ACER3: variants seen among roughly 807,000 people sequenced by gnomAD.
ACER3 encodes alkCDase 3.
In ACER3, 16 loss-of-function variants were observed where a neutral mutation model predicts 48.9. The ratio of observed to expected loss-of-function variants is 0.33; its 90% CI spans 0.22 to 0.50. The LOEUF (loss-of-function observed/expected upper bound fraction) is 0.50, where lower values mean the gene tolerates loss of function less well. Among genes scored for constraint, ACER3 ranks in the 20% least tolerant of loss-of-function variants. The pLI, the probability that ACER3 is intolerant of heterozygous loss-of-function variation, is 0.98. For missense variants in ACER3, 227 were observed against 326.0 expected, an observed-to-expected ratio of 0.70 and a Z score of 2.34; for synonymous variants, 109 against 107.8, an observed-to-expected ratio of 1.01 and a Z score of -0.07.
intron 1 of ACER3, among the ~76,000 whole-genome samples, chr11:76,907,975 C>T (rs1285543341): frequency 1.3e-5 from 2 of 152,204 alleles, no homozygotes; most frequent in African/African-American, 2.4e-5. Context: ...GTGGCTGACG[C>T]CTGTAATCCC....
intron 4 of ACER3, among the ~76,000 whole-genome samples, chr11:76,984,112 GC>G (rs1948641888): frequency 6.6e-6 from 1 of 152,014 alleles, no homozygotes; most frequent in African/African-American, 2.4e-5. Context: ...AATCTGTCTT[GC>G]CTTCTGTGTG....
intron 1 of ACER3, among the ~76,000 whole-genome samples, chr11:76,898,538 C>T (rs955768841): frequency 6.6e-6 from 1 of 152,100 alleles, no homozygotes; most frequent in African/African-American, 2.4e-5. Flanking sequence ...TATATTTTAG[C>T]AGTAAGTAAG....
At chr11:76,943,801 A>T (rs190105259) in intron 2 of ACER3, among the ~76,000 whole-genome samples, 1 of 149,896 alleles carries the variant, frequency 6.7e-6, no homozygotes, top group Admixed American at 6.7e-5. Context: ...TTTAGGTCTA[A>T]TAATACTTGT....
At chr11:76,912,814 T>C (rs908018596) in intron 1 of ACER3, among the ~76,000 whole-genome samples, 5 of 152,194 alleles carry the variant, frequency 3.3e-5, no homozygotes, top group African/African-American at 4.8e-5. Context: ...AACTATTGTA[T>C]TGTTAGCGGT....
chr11:76,872,773 C>G (rs771179232), intron 1 of ACER3, among the ~76,000 whole-genome samples: 3 of 152,038 alleles, frequency 2.0e-5, no homozygotes, highest in Admixed American at 6.6e-5. Context: ...AACAATGGGC[C>G]TCAGACTTTA....
chr11:76,914,941 A>G (rs1382325894), intron 1 of ACER3, among the ~76,000 whole-genome samples: 1 of 152,166 alleles, frequency 6.6e-6, no homozygotes, highest in Non-Finnish European at 1.5e-5. Context: ...GCAAACTATC[A>G]CAAAGACAAA....
intron 1 of ACER3, among the ~76,000 whole-genome samples, chr11:76,893,315 A>T (rs188986431): frequency 6.6e-6 from 1 of 152,156 alleles, no homozygotes; most frequent in African/African-American, 2.4e-5. Context: ...GGCTGCAGGG[A>T]GCTATGATCA....
At chr11:76,948,973 C>T (rs1947558524) in intron 2 of ACER3, among the ~76,000 whole-genome samples, 1 of 152,168 alleles carries the variant, frequency 6.6e-6, no homozygotes, top group Non-Finnish European at 1.5e-5. Context: ...ATTTAAGCAG[C>T]TCTCTAAAGT....
intron 1 of ACER3, among the ~76,000 whole-genome samples, chr11:76,875,111 T>TTTTTC: frequency 1.0e-5 from 1 of 99,392 alleles, no homozygotes; most frequent in Non-Finnish European, 1.8e-5. Flanking sequence ...GCACTTCTTT[T>TTTTTC]TTTTTTTTTT....
intron 1 of ACER3, among the ~76,000 whole-genome samples, chr11:76,865,287 G>C (rs1232688206): frequency 6.6e-6 from 1 of 151,148 alleles, no homozygotes; most frequent in Non-Finnish European, 1.5e-5. Context: ...GCCCAGCCGG[G>C]ATGAGTACTA....
intron 2 of ACER3, among the ~76,000 whole-genome samples, chr11:76,952,241 T>C (rs796837603): frequency 1.8e-4 from 27 of 151,228 alleles, no homozygotes; most frequent in African/African-American, 6.3e-4. Context: ...ATCCAAGAAT[T>C]CACTATACTA....
rs1054508610 is a variant in ACER3 at position 76,971,512 on chromosome 11, C to T, written c.268-4777C>T. 2.0e-5 allele frequency among the ~76,000 whole-genome samples: 3 copies of T among 151,064 alleles called. No individual in the cohort carries two copies. The South Asian group carries it at 6.3e-4, about 32-fold the overall frequency. On this transcript the variant is annotated intron_variant, in intron 3 of 10. Transcript: ENST00000532485. Reference sequence around the variant, plus strand: ...CCAAGATCGCGCCACTGCACTCCTCCTGGTGACAGAGTGAGACTCCATCTC... The same window carrying T: ...CCAAGATCGCGCCACTGCACTCCTCTTGGTGACAGAGTGAGACTCCATCTC...
chr11:76,882,912 C>A (rs1205641869), intron 1 of ACER3, among the ~76,000 whole-genome samples: 1 of 152,176 alleles, frequency 6.6e-6, no homozygotes, highest in Non-Finnish European at 1.5e-5. Context: ...CAATCAGAGA[C>A]ATGGGCAGAC....
intron 6 of ACER3, among the ~76,000 whole-genome samples, chr11:76,995,305 C>G (rs774604382): frequency 6.6e-6 from 1 of 152,058 alleles, no homozygotes; most frequent in Non-Finnish European, 1.5e-5. Flanking sequence ...ATACTAGTAC[C>G]CCAGCTATCT....
At chr11:77,019,647 A>C (rs1331449914) in intron 9 of ACER3, 84 bp from the exon 10 acceptor site, 22 of 1,324,218 alleles carry the variant, frequency 1.7e-5, no homozygotes, top group Non-Finnish European at 2.3e-5. Context: ...ATGCAGAAGC[A>C]CTATGGTTAC....
At chr11:76,978,890 G>C (rs772163374) in intron 4 of ACER3, among the ~76,000 whole-genome samples, 13 of 152,244 alleles carry the variant, frequency 8.5e-5, no homozygotes, top group Admixed American at 2.0e-4. Flanking sequence ...GGCTTACATG[G>C]AGCCAGTGCC....
chr11:76,971,035 G>A (rs892862476), intron 3 of ACER3, among the ~76,000 whole-genome samples: 1 of 152,136 alleles, frequency 6.6e-6, no homozygotes, highest in African/African-American at 2.4e-5. Flanking sequence ...CCATGCTGTA[G>A]CAAGAAGTAC....
intron 9 of ACER3, 46 bp downstream of exon 9, chr11:77,016,825 T>G (rs543000987): frequency 1.8e-5 from 19 of 1,033,664 alleles, no homozygotes; most frequent in South Asian, 3.1e-5. Flanking sequence ...GTTTGTTGTT[T>G]TTTTTTTTCT....
At chr11:76,957,799 C>T (rs1414646975) in intron 2 of ACER3, among the ~76,000 whole-genome samples, 1 of 151,910 alleles carries the variant, frequency 6.6e-6, no homozygotes, top group Non-Finnish European at 1.5e-5. Flanking sequence ...TAGGGCATGA[C>T]CATTGAATGA....
Sources: gnomAD v4.1 joint callset for allele counts (sites outside exome capture counted in the v4.1 genomes callset) on GRCh38, gnomAD v4.1.1 for gene constraint, MANE v1.5 for transcripts, NCBI Gene and HGNC (gene_info 2026-07-23, HGNC 2026-07-21) for gene names.